The following SS18L1 variants were observed in gnomAD, a reference collection of about 807,000 sequenced individuals.
SS18L1 encodes the protein SS18L1 subunit of BAF chromatin remodeling complex.
Under a neutral mutation model 70.3 loss-of-function variants are expected in SS18L1, and 32 were observed. That is an observed-to-expected ratio of 0.46 (90% confidence interval 0.34 to 0.61). The LOEUF is 0.61. Among genes scored for constraint, SS18L1 ranks in the 20% least tolerant of loss-of-function variants. The probability of loss-of-function intolerance (pLI) is 0.01; values close to 1 mark genes in which losing one functional copy is unlikely to be tolerated. For synonymous variants in SS18L1, 237 were observed against 229.7 expected (o/e 1.03, Z -0.29); for missense variants, 430 against 542.1 (o/e 0.79, Z 2.05).
chr20:62,150,862 A>G (rs1184842707), intron 1 of SS18L1, among the ~76,000 whole-genome samples: 1 of 151,908 alleles, frequency 6.6e-6, no homozygotes, highest in Non-Finnish European at 1.5e-5. Context: ...GTGTGTGCAG[A>G]GTCGGGAGGG....
intron 10 of SS18L1, among the ~76,000 whole-genome samples, chr20:62,177,622 G>A (rs1466560234): frequency 6.6e-6 from 1 of 152,236 alleles, no homozygotes; most frequent in Admixed American, 6.5e-5. Flanking sequence ...AGTCTCCCGA[G>A]TGGCTTTCAC....
intron 4 of SS18L1, 140 bp from the exon 5 acceptor site, chr20:62,162,612 A>G: frequency 2.3e-6 from 2 of 859,550 alleles, no homozygotes; most frequent in Non-Finnish European, 3.4e-6. Flanking sequence ...CCACTTATTT[A>G]TTAGTCACTT....
chr20:62,144,137 C>T (rs1283881625), intron 1 of SS18L1, among the ~76,000 whole-genome samples: 1 of 150,634 alleles, frequency 6.6e-6, no homozygotes. Context: ...GCGGGTCCCT[C>T]GGGCCGGGGC....
intron 1 of SS18L1, among the ~76,000 whole-genome samples, chr20:62,150,455 TGATGACTCCTAG>T (rs2057106346): frequency 6.6e-6 from 1 of 152,138 alleles, no homozygotes; most frequent in South Asian, 2.1e-4. Flanking sequence ...CCTCACACCT[TGATGACTCCTAG>T]GAATTGATTC....
chr20:62,178,679 T>A (rs1366074747), intron 10 of SS18L1, among the ~76,000 whole-genome samples: 1 of 152,246 alleles, frequency 6.6e-6, no homozygotes, highest in Non-Finnish European at 1.5e-5. Context: ...TCCAAGTATC[T>A]GGGACTATTG....
intron 4 of SS18L1, chr20:62,162,460 C>G (rs2057347102): frequency 3.2e-6 from 1 of 308,524 alleles, no homozygotes; most frequent in African/African-American, 2.2e-5. Context: ...TGCCACCACA[C>G]CTGGCTAATT....
intron 1 of SS18L1, among the ~76,000 whole-genome samples, chr20:62,148,424 G>A (rs892264962): frequency 6.0e-5 from 9 of 149,486 alleles, no homozygotes; most frequent in Non-Finnish European, 1.2e-4. Context: ...GCTGTCTTAG[G>A]TCAGGTGAGG....
At chr20:62,150,655 T>A (rs1270952484) in intron 1 of SS18L1, among the ~76,000 whole-genome samples, 3 of 137,786 alleles carry the variant, frequency 2.2e-5, no homozygotes, top group Non-Finnish European at 4.7e-5. Flanking sequence ...TTTTTTTTTT[T>A]TTTTTTTTTT....
rs1408454896 is a variant in SS18L1 at position 62,158,572 on chromosome 20, G to A, written c.70-100G>A. On this transcript the variant is annotated intron_variant, in intron 1 of 10. Transcript: ENST00000331758. This position sits in a 1 kb window ranked among gnomAD's most constrained non-coding sequence, Gnocchi z 4.5. ...ATCTGACACGTTTCACGTAAGGGAC[G>A]CTCAACCTATATGAAAACTAGATGT... 32 of 1,514,722 alleles carry A rather than the reference G, an allele frequency of 2.1e-5. No individual in the cohort carries two copies. In the South Asian group the frequency reaches 2.4e-4, roughly 11 times the overall value. 93.8% of individuals were successfully genotyped at this position (1,514,722 alleles called of 1,614,324 possible). A position where few individuals can be genotyped will look rare whatever the true frequency, so the allele number is the denominator to read the frequency against.
intron 1 of SS18L1, among the ~76,000 whole-genome samples, chr20:62,149,643 G>A (rs1037426422): frequency 2.0e-5 from 3 of 152,186 alleles, no homozygotes; most frequent in Non-Finnish European, 2.9e-5. Context: ...TTGTCTTTAC[G>A]AAGAGGACAG....
chr20:62,175,422 C>T (rs1601059563), intron 10 of SS18L1: 3 of 985,302 alleles, frequency 3.0e-6, no homozygotes, highest in Non-Finnish European at 3.6e-6. Context: ...GAGCGAGGGC[C>T]TCCTAGAGGA....
intron 1 of SS18L1, among the ~76,000 whole-genome samples, chr20:62,155,077 G>A (rs2057198394): frequency 6.6e-6 from 1 of 152,214 alleles, no homozygotes; most frequent in Admixed American, 6.5e-5. Context: ...GACTTTGTGA[G>A]GATATTAATA....
chr20:62,179,357 G>GCGTCATACCCAGCATGAAA lies in SS18L1; in HGVS notation c.*149_*150insCGTCATACCCAGCATGAAA. 1.2e-6 allele frequency: 1 copy of GCGTCATACCCAGCATGAAA among 832,852 alleles called. No individual in the cohort carries two copies. Among genetic ancestry groups the GCGTCATACCCAGCATGAAA allele is most frequent in the Non-Finnish European group, 2.0e-6 (1 of 504,704 alleles). The allele number at this position is 832,852 out of a possible 1,614,324, so 51.6% of individuals were successfully genotyped here. On this transcript the variant is annotated 3_prime_UTR_variant, in exon 11 of 11. Coordinates refer to ENST00000331758, the MANE Select transcript of SS18L1 (RefSeq NM_198935.3). ...GTGAAGCGTGCTCATTTCATGCTGG[G>GCGTCATACCCAGCATGAAA]TATGACGCCGAGCGCACACCACTGG...
chr20:62,160,677 G>A (rs1373471352), intron 3 of SS18L1, among the ~76,000 whole-genome samples: 1 of 152,188 alleles, frequency 6.6e-6, no homozygotes, highest in African/African-American at 2.4e-5. Context: ...ACATGTCGCC[G>A]GGAATGACGT....
At chr20:62,167,590 A>G (rs2057458349) in intron 8 of SS18L1, among the ~76,000 whole-genome samples, 1 of 152,132 alleles carries the variant, frequency 6.6e-6, no homozygotes, top group Non-Finnish European at 1.5e-5. Flanking sequence ...GCCAGCACCC[A>G]GAGGCTATCT....
At chr20:62,168,581 G>A (rs2057475195) in intron 8 of SS18L1, among the ~76,000 whole-genome samples, 3 of 152,068 alleles carry the variant, frequency 2.0e-5, no homozygotes. Context: ...AGCATTGTGG[G>A]GGCCAGGGCA....
intron 8 of SS18L1, among the ~76,000 whole-genome samples, chr20:62,168,055 C>T (rs955896951): frequency 1.3e-5 from 2 of 148,200 alleles, no homozygotes; most frequent in African/African-American, 2.5e-5. Context: ...GTTTTGAACT[C>T]CTGGGCTCAA....
chr20:62,177,912 G>C (rs2057647675), intron 10 of SS18L1, among the ~76,000 whole-genome samples: 1 of 151,972 alleles, frequency 6.6e-6, no homozygotes, highest in Non-Finnish European at 1.5e-5. Flanking sequence ...AGTAGAGACA[G>C]GGTTTCGCCA....
intron 8 of SS18L1, among the ~76,000 whole-genome samples, chr20:62,166,487 C>T (rs1024784866): frequency 2.0e-5 from 3 of 152,196 alleles, no homozygotes; most frequent in African/African-American, 7.2e-5. Flanking sequence ...TCTCAGCCTG[C>T]TGTGAAGAAA....
Sources: gnomAD v4.1 joint callset for allele counts (sites outside exome capture counted in the v4.1 genomes callset) on GRCh38, gnomAD v4.1.1 for gene constraint, Gnocchi (gnomAD v3.1) non-coding constraint, MANE v1.5 for transcripts, NCBI Gene and HGNC (gene_info 2026-07-23, HGNC 2026-07-21) for gene names.